Variants in ARHGAP10 observed in about 807,000 individuals in gnomAD.
ARHGAP10 encodes Rho GTPase activating protein 10.
A neutral mutation model predicts 108.6 loss-of-function variants in ARHGAP10; 87 were observed. That is an observed-to-expected ratio of 0.80 (90% confidence interval 0.67 to 0.96). The LOEUF is 0.96. Ranked by LOEUF, ARHGAP10 falls within the 40% of genes least tolerant of loss-of-function variation. The pLI is 0.00. For synonymous variants in ARHGAP10, 347 were observed against 341.1 expected (o/e 1.02, Z -0.19); for missense variants, 939 against 954.5 (o/e 0.98, Z 0.21).
At chr4:147,782,304 CTCTATG>C (rs1730567454) in intron 1 of ARHGAP10, among the ~76,000 whole-genome samples, 1 of 152,120 alleles carries the variant, frequency 6.6e-6, no homozygotes, top group Non-Finnish European at 1.5e-5. Context: ...AGGAGCAAGA[CTCTATG>C]TCTTTGAAGT....
rs1177464754 is a variant in ARHGAP10 at position 147,893,694 on chromosome 4, G to A, written c.1034+11762G>A. ...GCAATGAAGTAAAGCCAGATGGAAA[G>A]GGCTTTGTGTCTTGACTCTTCCATG... On this transcript the variant is annotated intron_variant, in intron 10 of 22. Transcript: ENST00000336498. 2.0e-5 allele frequency among the ~76,000 whole-genome samples: 3 copies of A among 151,648 alleles called. No individual in the cohort carries two copies. In the East Asian group the frequency reaches 5.8e-4, roughly 29 times the overall value.
intron 15 of ARHGAP10, among the ~76,000 whole-genome samples, chr4:147,948,849 G>C (rs4240346): frequency 0.94 from 142,525 of 151,236 alleles, 67,713 homozygotes; most frequent in East Asian, 1. Context: ...GCCTGTAGTC[G>C]CAGCTACTCG....
At chr4:148,007,280 C>A (rs1210723290) in intron 18 of ARHGAP10, among the ~76,000 whole-genome samples, 30 of 152,158 alleles carry the variant, frequency 2.0e-4, no homozygotes, top group Admixed American at 2.0e-3. Context: ...GATGAGATGA[C>A]TGTTACAGGT....
At chr4:148,027,148 ATC>A (rs1346760429) in intron 19 of ARHGAP10, among the ~76,000 whole-genome samples, 2 of 152,212 alleles carry the variant, frequency 1.3e-5, no homozygotes, top group Admixed American at 6.5e-5. Context: ...TACCATCTGA[ATC>A]TCTTTCTTCA....
chr4:147,865,137 G>A, intron 6 of ARHGAP10, 181 bp downstream of exon 6: 1 of 566,466 alleles, frequency 1.8e-6, no homozygotes, highest in Non-Finnish European at 3.1e-6. Context: ...TAAATCAGTG[G>A]TTCTCAGCTG....
At position 147,744,886 on chromosome 4, in the gene ARHGAP10, G is replaced by C. The variant is rs78112698; in HGVS notation, c.154+12431G>C. 9.9e-5 allele frequency among the ~76,000 whole-genome samples: 15 copies of C among 152,258 alleles called. No individual in the cohort carries two copies. In the East Asian group the frequency reaches 2.9e-3, roughly 29 times the overall value. On this transcript the variant is annotated intron_variant, in intron 1 of 22. Transcript: ENST00000336498. The stretch of plus-strand genomic sequence containing the variant: ...TTCTGGAGACACACCATATGGATGG[G>C]AAACGATGCCATGCAGCTGAATACC...
intron 4 of ARHGAP10, among the ~76,000 whole-genome samples, chr4:147,856,104 G>A (rs1734072824): frequency 6.6e-6 from 1 of 152,152 alleles, no homozygotes. Flanking sequence ...GACATGGTGT[G>A]CTCTCATTGA....
intron 1 of ARHGAP10, among the ~76,000 whole-genome samples, chr4:147,786,586 GA>G (rs1260188945): frequency 2.0e-5 from 3 of 152,156 alleles, no homozygotes; most frequent in East Asian, 3.8e-4. Flanking sequence ...ACAGCAGTAG[GA>G]AAAAAGTTTT....
At chr4:148,020,034 A>C (rs999610974) in intron 18 of ARHGAP10, among the ~76,000 whole-genome samples, 7 of 152,144 alleles carry the variant, frequency 4.6e-5, no homozygotes, top group African/African-American at 1.7e-4. Flanking sequence ...CCCACATCTG[A>C]AAATCTGAAA....
At chr4:147,856,790 C>T (rs1734102797) in intron 4 of ARHGAP10, among the ~76,000 whole-genome samples, 1 of 152,198 alleles carries the variant, frequency 6.6e-6, no homozygotes, top group African/African-American at 2.4e-5. Context: ...TAGGGAAGAT[C>T]TTTCCCAAGA....
intron 9 of ARHGAP10, 123 bp from the exon 10 acceptor site, chr4:147,881,715 G>C (rs1380570904): frequency 5.7e-6 from 4 of 699,444 alleles, no homozygotes; most frequent in Middle Eastern, 2.5e-4. Context: ...TTTGAAAGAG[G>C]ATAGGGTAAA....
intron 18 of ARHGAP10, among the ~76,000 whole-genome samples, chr4:147,983,470 C>CCACTG (rs1304706498): frequency 2.3e-4 from 35 of 152,036 alleles, no homozygotes; most frequent in Admixed American, 2.3e-3. Flanking sequence ...TAGGCGTGAG[C>CCACTG]CACTGCACTC....
At chr4:147,995,873 C>A (rs567892120) in intron 18 of ARHGAP10, among the ~76,000 whole-genome samples, 2 of 152,168 alleles carry the variant, frequency 1.3e-5, no homozygotes, top group African/African-American at 4.8e-5. Context: ...CCCGCCACTA[C>A]GCCTGGCTAA....
intron 7 of ARHGAP10, among the ~76,000 whole-genome samples, chr4:147,868,879 G>A (rs1687938290): frequency 6.6e-6 from 1 of 152,144 alleles, no homozygotes; most frequent in East Asian, 1.9e-4. Context: ...CTCCTGCCAT[G>A]TGACCCGGTT....
intron 13 of ARHGAP10, among the ~76,000 whole-genome samples, chr4:147,929,215 C>G (rs1737576763): frequency 6.6e-6 from 1 of 152,136 alleles, no homozygotes; most frequent in African/African-American, 2.4e-5. Flanking sequence ...GGAATTATCC[C>G]TTACCCTGCT....
chr4:148,037,376 T>G (rs1728427149), intron 19 of ARHGAP10, among the ~76,000 whole-genome samples: 1 of 152,224 alleles, frequency 6.6e-6, no homozygotes, highest in Non-Finnish European at 1.5e-5. Flanking sequence ...TTGGATGTCC[T>G]TGTTAAAACA....
chr4:148,071,570 C>T (rs564554957), intron 22 of ARHGAP10, among the ~76,000 whole-genome samples: 2 of 152,118 alleles, frequency 1.3e-5, no homozygotes, highest in African/African-American at 2.4e-5. Flanking sequence ...GAGCCGAGAT[C>T]GCGCCACCGC....
In ARHGAP10 at chr4:147,847,177, T is replaced by C. The variant is rs139143454; in HGVS notation, c.339T>C (p.Ile113=). 2 of 1,613,618 alleles carry C rather than the reference T, an allele frequency of 1.2e-6. No homozygotes were observed. Among genetic ancestry groups the C allele is most frequent in the Non-Finnish European group, 1.7e-6 (2 of 1,179,588 alleles). The change falls in exon 4 of 23, where the codon ATT becomes ATC. Residue 113 remains isoleucine, a synonymous_variant. Coordinates refer to ENST00000336498, the MANE Select transcript of ARHGAP10 (RefSeq NM_024605.4). ...IMALSVTETL[I]KPLEKFRKEQ... is the part of the protein sequence containing the mutation. Reference sequence around the variant, plus strand: ...CATTAAGTGTAACTGAAACCCTGATTAAACCCTTGGAAAAATTCAGAAAAG... The same window carrying C: ...CATTAAGTGTAACTGAAACCCTGATCAAACCCTTGGAAAAATTCAGAAAAG...
intron 1 of ARHGAP10, among the ~76,000 whole-genome samples, chr4:147,758,972 C>CA (rs748165721): frequency 0.067 from 3,745 of 55,688 alleles, 70 homozygotes; most frequent in Middle Eastern, 0.1. Context: ...GACTCTGTCT[C>CA]AAAAAAAAAA....
Sources: allele counts gnomAD v4.1 joint callset (sites outside exome capture counted in the v4.1 genomes callset), GRCh38; gene constraint gnomAD v4.1.1; transcripts MANE v1.5; gene names NCBI Gene and HGNC (gene_info 2026-07-23, HGNC 2026-07-21).